GRAMD1B: variants seen among roughly 807,000 people sequenced by gnomAD.
GRAMD1B encodes protein Aster-B.
GRAMD1B carries 37 observed loss-of-function variants against 99.7 expected under a neutral mutation model. The observed-to-expected ratio is 0.37, with a 90% CI of 0.29 to 0.49. The LOEUF (loss-of-function observed/expected upper bound fraction) is 0.49, where lower values mean the gene tolerates loss of function less well. Among genes scored for constraint, GRAMD1B ranks in the 20% least tolerant of loss-of-function variants. The pLI, the probability that GRAMD1B is intolerant of heterozygous loss-of-function variation, is 0.98. For missense variants in GRAMD1B, 888 were observed against 1,009.2 expected (o/e 0.88, Z 1.63); for synonymous variants, 427 against 387.6 (o/e 1.10, Z -1.19).
At chr11:123,432,717 A>G (rs1184042074) in intron 1 of GRAMD1B, among the ~76,000 whole-genome samples, 1 of 152,172 alleles carries the variant, frequency 6.6e-6, no homozygotes, top group Non-Finnish European at 1.5e-5. Flanking sequence ...GTAGTAGAAA[A>G]CAGCAGGAAA....
intron 2 of GRAMD1B, among the ~76,000 whole-genome samples, chr11:123,514,675 G>A (rs549994558): frequency 1.3e-5 from 2 of 152,288 alleles, no homozygotes; most frequent in Middle Eastern, 3.4e-3. Flanking sequence ...GAGCTGAAGC[G>A]CTGTGAAAGC....
chr11:123,591,699 G>T lies in GRAMD1B; in HGVS notation c.685-2383G>T, dbSNP rs1352862457. ...AATAGGTGAGCCAGGCCCCGCCTTT[G>T]GGGGTGGAGGAGGGAGAGGGCTGGG... On this transcript the variant is annotated intron_variant, in intron 4 of 19. Coordinates refer to ENST00000635736, the MANE Select transcript of GRAMD1B (RefSeq NM_001387025.1). The surrounding 1 kb of genome is among the most constrained non-coding windows in gnomAD (Gnocchi z 4.7). 6.6e-6 allele frequency among the ~76,000 whole-genome samples: 1 copy of T among 152,214 alleles called. No individual in the cohort carries two copies. Among genetic ancestry groups the T allele is most frequent in the Non-Finnish European group, 1.5e-5 (1 of 68,034 alleles).
chr11:123,441,276 T>G (rs1321721172), intron 1 of GRAMD1B, among the ~76,000 whole-genome samples: 3 of 152,000 alleles, frequency 2.0e-5, no homozygotes, highest in African/African-American at 7.2e-5. Flanking sequence ...ACCAAACCTT[T>G]CATAAGAGAT....
intron 4 of GRAMD1B, among the ~76,000 whole-genome samples, chr11:123,592,229 TATCTC>T (rs1950742093): frequency 6.6e-6 from 1 of 152,082 alleles, no homozygotes; most frequent in South Asian, 2.1e-4. Context: ...AGCAGGTAAA[TATCTC>T]ATTCTCAAGG....
intron 2 of GRAMD1B, among the ~76,000 whole-genome samples, chr11:123,500,721 G>C (rs1390947767): frequency 6.6e-6 from 1 of 151,890 alleles, no homozygotes; most frequent in East Asian, 1.9e-4. Flanking sequence ...CACCCAGGCT[G>C]GAGTGCAGTG....
intron 4 of GRAMD1B, among the ~76,000 whole-genome samples, chr11:123,590,618 C>T (rs1050279766): frequency 3.9e-5 from 6 of 152,118 alleles, no homozygotes; most frequent in South Asian, 2.1e-4. Context: ...CTCTCTGCCA[C>T]GGGTGACTCT....
intron 1 of GRAMD1B, among the ~76,000 whole-genome samples, chr11:123,441,559 A>AGGCC (rs1949407692): frequency 6.6e-6 from 1 of 152,224 alleles, no homozygotes; most frequent in African/African-American, 2.4e-5. Context: ...AGTCAGGAAT[A>AGGCC]TTGCTTAGGC....
At position 123,619,051 on chromosome 11, in the gene GRAMD1B, G is replaced by A. The variant is rs1289047225; in HGVS notation, c.2427-56G>A. 4.1e-6 allele frequency: 4 copies of A among 973,278 alleles called. No individual in the cohort carries two copies. In the South Asian group the frequency reaches 5.9e-5, roughly 14 times the overall value. 60.3% of individuals were successfully genotyped at this position (973,278 alleles called of 1,614,324 possible). ...GTCCTTTAGGGGTCTGGGAGCCCAGGACAGTTCGCTGAGCATAACTCCAGC... is the reference window on the plus strand; with the variant it reads ...GTCCTTTAGGGGTCTGGGAGCCCAGAACAGTTCGCTGAGCATAACTCCAGC... On this transcript the variant is annotated intron_variant, in intron 18 of 19. Coordinates refer to ENST00000635736, the MANE Select transcript of GRAMD1B (RefSeq NM_001387025.1).
At chr11:123,503,025 C>T (rs1444664000) in intron 2 of GRAMD1B, among the ~76,000 whole-genome samples, 1 of 152,106 alleles carries the variant, frequency 6.6e-6, no homozygotes, top group Non-Finnish European at 1.5e-5. Context: ...TATTATAAAG[C>T]ATATCGCTAA....
At chr11:123,433,284 G>A (rs975149598) in intron 1 of GRAMD1B, among the ~76,000 whole-genome samples, 1 of 152,064 alleles carries the variant, frequency 6.6e-6, no homozygotes, top group South Asian at 2.1e-4. Context: ...AGGCCAAGGC[G>A]GGAGAATTGC....
At chr11:123,381,592 G>T (rs1046406805) in intron 1 of GRAMD1B, 1 of 152,448 alleles carries the variant, frequency 6.6e-6, no homozygotes, top group Admixed American at 6.5e-5. Flanking sequence ...TGCTGGAACT[G>T]GAAGGGATTC....
At chr11:123,555,861 G>A (rs1442432690) in intron 2 of GRAMD1B, among the ~76,000 whole-genome samples, 2 of 151,952 alleles carry the variant, frequency 1.3e-5, no homozygotes, top group African/African-American at 2.4e-5. Flanking sequence ...AGCCCCCTGA[G>A]TAGCTGGGAT....
chr11:123,417,075 G>A (rs779775742), intron 1 of GRAMD1B, among the ~76,000 whole-genome samples: 5 of 152,250 alleles, frequency 3.3e-5, no homozygotes, highest in Middle Eastern at 3.4e-3. Flanking sequence ...GTCATGTGAC[G>A]GATATTAAGA....
At chr11:123,369,037 G>T (rs1364130663) in intron 1 of GRAMD1B, among the ~76,000 whole-genome samples, 1 of 152,196 alleles carries the variant, frequency 6.6e-6, no homozygotes, top group Non-Finnish European at 1.5e-5. Flanking sequence ...ACTCATACCT[G>T]TAATCCCAGC....
At chr11:123,621,880 T>TTC (rs1565482355) in intron 19 of GRAMD1B, among the ~76,000 whole-genome samples, 8 of 150,014 alleles carry the variant, frequency 5.3e-5, no homozygotes, top group Admixed American at 4.6e-4. Flanking sequence ...CTTTCTTTCT[T>TTC]TTTCTTTCTT....
intron 1 of GRAMD1B, among the ~76,000 whole-genome samples, chr11:123,464,994 A>G (rs932397747): frequency 6.6e-6 from 1 of 152,248 alleles, no homozygotes; most frequent in African/African-American, 2.4e-5. Context: ...CGATGAGCCT[A>G]GGGAGGTAGG....
chr11:123,449,609 A>G (rs1476320794), intron 1 of GRAMD1B, among the ~76,000 whole-genome samples: 2 of 151,198 alleles, frequency 1.3e-5, no homozygotes, highest in South Asian at 2.1e-4. Flanking sequence ...ATTTTTTCAT[A>G]TATCACCCAG....
At chr11:123,372,714 C>T (rs1000933508) in intron 1 of GRAMD1B, among the ~76,000 whole-genome samples, 1 of 152,150 alleles carries the variant, frequency 6.6e-6, no homozygotes, top group African/African-American at 2.4e-5. Context: ...TGAAATAATT[C>T]GAGCAGGTAA....
chr11:123,472,895 G>T (rs1238142115), intron 1 of GRAMD1B, among the ~76,000 whole-genome samples: 1 of 152,144 alleles, frequency 6.6e-6, no homozygotes. Context: ...TTTCCTATTG[G>T]CACAACTGCT....
Sources: gnomAD v4.1 joint callset for allele counts (sites outside exome capture counted in the v4.1 genomes callset) on GRCh38, gnomAD v4.1.1 for gene constraint, Gnocchi (gnomAD v3.1) non-coding constraint, MANE v1.5 for transcripts, NCBI Gene and HGNC (gene_info 2026-07-23, HGNC 2026-07-21) for gene names.